The following CREB5 variants were observed in gnomAD, a reference collection of about 807,000 sequenced individuals.
The protein encoded by CREB5 is cAMP responsive element binding protein 5.
Under a neutral mutation model 57.1 loss-of-function variants are expected in CREB5, and 19 were observed. The observed-to-expected ratio is 0.33, with a 90% CI of 0.23 to 0.49. CREB5 has a LOEUF of 0.49. Ranked by LOEUF, CREB5 falls within the 20% of genes least tolerant of loss-of-function variation. The pLI, the probability that CREB5 is intolerant of heterozygous loss-of-function variation, is 0.99. For synonymous variants in CREB5, 238 were observed against 238.3 expected (o/e 1.00, Z 0.01); for missense variants, 579 against 671.6 (o/e 0.86, Z 1.52).
chr7:28,811,177 A>G (rs1293675684), intron 9 of CREB5, among the ~76,000 whole-genome samples: 1 of 152,102 alleles, frequency 6.6e-6, no homozygotes, highest in African/African-American at 2.4e-5. Flanking sequence ...TGTTTATAGT[A>G]TAGTGTCTAC....
chr7:28,315,222 C>G (rs1159926992), intron 1 of CREB5, among the ~76,000 whole-genome samples: 3 of 152,244 alleles, frequency 2.0e-5, no homozygotes, highest in Non-Finnish European at 4.4e-5. Flanking sequence ...TCACCACCAA[C>G]AGGGACTACA....
In CREB5 at chr7:28,336,755, C is replaced by A. The variant is rs371166518; in HGVS notation, c.-25+37314C>A. On this transcript the variant is annotated intron_variant, in intron 1 of 9. Coordinates refer to the CREB5 transcript ENST00000396299. Reference sequence around the variant, plus strand: ...TAATTTTGGGTTTGATTTGCTCTTGCTTTTCTAGTTCTTCAACATGAATTG... The same window carrying A: ...TAATTTTGGGTTTGATTTGCTCTTGATTTTCTAGTTCTTCAACATGAATTG... Among the ~76,000 whole-genome samples, 169 of 151,474 alleles carry A rather than the reference C, an allele frequency of 1.1e-3. 5 individuals carry two copies. In the South Asian group the frequency reaches 0.034, roughly 31 times the overall value.
At chr7:28,516,788 C>A (rs1407325401) in intron 4 of CREB5, among the ~76,000 whole-genome samples, 3 of 152,152 alleles carry the variant, frequency 2.0e-5, no homozygotes, top group African/African-American at 4.8e-5. Context: ...CTTACCTGTC[C>A]CAAGGCAGGC....
rs775664508 is a variant in CREB5, at chr7:28,507,629, C to T, written c.183C>T (p.Thr61=). ...TDNMLSDQTP[T]PTRFLKNCEE... is the part of the protein sequence containing the mutation. ...CTCTGTTTTCAGATCAAACTCCGACCCCAACGAGATTCCTGAAGAACTGCG... is the reference window on the plus strand; with the variant it reads ...CTCTGTTTTCAGATCAAACTCCGACTCCAACGAGATTCCTGAAGAACTGCG... The change falls in exon 4 of 11, where the codon ACC becomes ACT. Residue 61 remains threonine, a synonymous_variant. Coordinates refer to ENST00000357727, the MANE Select transcript of CREB5 (RefSeq NM_182898.4). 17 of 1,609,948 alleles carry T rather than the reference C, an allele frequency of 1.1e-5. No homozygotes were observed. Among genetic ancestry groups the T allele is most frequent in the Non-Finnish European group, 1.4e-5 (16 of 1,177,094 alleles).
chr7:28,303,267 C>T (rs1785131459), intron 1 of CREB5, among the ~76,000 whole-genome samples: 1 of 152,102 alleles, frequency 6.6e-6, no homozygotes, highest in Admixed American at 6.6e-5. Flanking sequence ...TCTGGACTGC[C>T]CCAATTCATA....
At chr7:28,445,652 C>T (rs540532064) in intron 1 of CREB5, among the ~76,000 whole-genome samples, 23 of 151,966 alleles carry the variant, frequency 1.5e-4, no homozygotes, top group East Asian at 7.8e-4. Flanking sequence ...CCCAGGTTCA[C>T]GCCATTCTCC....
chr7:28,809,653 G>C (rs1447895359), intron 9 of CREB5, among the ~76,000 whole-genome samples: 1 of 152,222 alleles, frequency 6.6e-6, no homozygotes, highest in East Asian at 1.9e-4. Context: ...ACCCCACTAA[G>C]TTGTAGGGGT....
chr7:28,695,166 GC>G (rs530795158), intron 5 of CREB5, among the ~76,000 whole-genome samples: 104 of 152,326 alleles, frequency 6.8e-4, no homozygotes, highest in Middle Eastern at 3.4e-3. Flanking sequence ...GTTCCAGGCT[GC>G]AGTGAGTCAT....
At chr7:28,334,834 G>A (rs1454842053) in intron 1 of CREB5, among the ~76,000 whole-genome samples, 1 of 152,138 alleles carries the variant, frequency 6.6e-6, no homozygotes, top group East Asian at 1.9e-4. Flanking sequence ...TTCATAGTTT[G>A]AGGTCTTAGA....
At chr7:28,301,773 A>G (rs1785100988) in intron 1 of CREB5, among the ~76,000 whole-genome samples, 1 of 152,212 alleles carries the variant, frequency 6.6e-6, no homozygotes, top group South Asian at 2.1e-4. Flanking sequence ...TGTTTTGTTT[A>G]GCTCAGAGGA....
chr7:28,565,525 G>A (rs976560535), intron 4 of CREB5, among the ~76,000 whole-genome samples: 1 of 152,168 alleles, frequency 6.6e-6, no homozygotes, highest in Non-Finnish European at 1.5e-5. Flanking sequence ...AAGGATCATT[G>A]GGAAGACTAG....
chr7:28,369,052 CAAAA>C (rs1173547399), intron 1 of CREB5, among the ~76,000 whole-genome samples: 6 of 129,378 alleles, frequency 4.6e-5, no homozygotes, highest in Admixed American at 1.5e-4. Flanking sequence ...CTCAAAAAAA[CAAAA>C]CAAACAAACA....
chr7:28,750,315 T>C (rs531712143), intron 7 of CREB5, among the ~76,000 whole-genome samples: 1 of 152,318 alleles, frequency 6.6e-6, no homozygotes, highest in South Asian at 2.1e-4. Context: ...TTGGGGCTCA[T>C]CATCCTTTGG....
intron 5 of CREB5, among the ~76,000 whole-genome samples, chr7:28,692,968 A>G (rs993942328): frequency 5.3e-5 from 8 of 152,178 alleles, no homozygotes; most frequent in African/African-American, 1.9e-4. Context: ...TGGCAAGAGA[A>G]CTCATTTAAT....
intron 1 of CREB5, among the ~76,000 whole-genome samples, chr7:28,438,612 T>C (rs1253462684): frequency 6.6e-6 from 1 of 152,194 alleles, no homozygotes; most frequent in Non-Finnish European, 1.5e-5. Context: ...GTAAAGAAAG[T>C]TGCCATTTTA....
chr7:28,717,936 T>G (rs1802794895), intron 5 of CREB5, among the ~76,000 whole-genome samples: 1 of 152,194 alleles, frequency 6.6e-6, no homozygotes, highest in African/African-American at 2.4e-5. Context: ...AATAATTCCC[T>G]TTTTCCCTCA....
chr7:28,359,345 T>C (rs187794713), intron 1 of CREB5, among the ~76,000 whole-genome samples: 3 of 152,340 alleles, frequency 2.0e-5, no homozygotes, highest in African/African-American at 7.2e-5. Context: ...CAAACTTGTC[T>C]TACCTCCCCT....
At chr7:28,313,986 T>C (rs1354060939) in intron 1 of CREB5, among the ~76,000 whole-genome samples, 2 of 152,178 alleles carry the variant, frequency 1.3e-5, no homozygotes, top group Non-Finnish European at 2.9e-5. Context: ...ATATTGGCCA[T>C]GCCAAAGCAA....
At chr7:28,808,112 C>T (rs1486927055) in intron 8 of CREB5, among the ~76,000 whole-genome samples, 1 of 152,198 alleles carries the variant, frequency 6.6e-6, no homozygotes, top group East Asian at 1.9e-4. Context: ...CACACACACA[C>T]AGTGTGACAG....
Sources: gnomAD v4.1 joint callset for allele counts (sites outside exome capture counted in the v4.1 genomes callset) on GRCh38, gnomAD v4.1.1 for gene constraint, MANE v1.5 for transcripts, NCBI Gene and HGNC (gene_info 2026-07-23, HGNC 2026-07-21) for gene names.